MYH10: variants seen among roughly 807,000 people sequenced by gnomAD.
MYH10 encodes the protein myosin heavy chain 10, also known as myosin-10.
In MYH10, 55 loss-of-function variants were observed where a neutral mutation model predicts 257.8. The ratio of observed to expected loss-of-function variants is 0.21; its 90% confidence interval spans 0.17 to 0.27. MYH10 has a LOEUF of 0.27. MYH10 is among the 10% of genes least tolerant of loss of function. The probability of loss-of-function intolerance (pLI) is 1.00; values close to 1 mark genes in which losing one functional copy is unlikely to be tolerated. For synonymous variants in MYH10, 854 were observed against 921.7 expected, an observed-to-expected ratio of 0.93 and a Z score of 1.33; for missense variants, 1,631 against 2,500.6, an observed-to-expected ratio of 0.65 and a Z score of 7.42.
In MYH10 at chr17:8,569,048, A is replaced by T. The variant is rs537715895; in HGVS notation, c.756+672T>A. ...CAACATAGTGAGACCCTAGTCTCTA[A>T]AAAAAAAAAAGTTACTCTTTTAAAT... On this transcript the variant is annotated intron_variant, in intron 7 of 42. Transcript: ENST00000360416. The surrounding 1 kb of genome is among the most constrained non-coding windows in gnomAD (Gnocchi z 4.1). Among the ~76,000 whole-genome samples, 14 of 146,010 alleles carry T rather than the reference A, an allele frequency of 9.6e-5. No homozygotes were observed. The East Asian group carries it at 2.9e-3, about 30-fold the overall frequency.
rs759477078 is a variant in MYH10 at position 8,499,435 on chromosome 17, T to G, written c.3786A>C (p.Thr1262=). 20 of 1,614,180 alleles carry G rather than the reference T, an allele frequency of 1.2e-5. No individual in the cohort carries two copies. In the East Asian group the frequency reaches 3.8e-4, roughly 31 times the overall value. ...CCTCACACGCCAGCTCCTTGTTATC[T>G]GTCTCCAGGCCCTGCTTGTTCTTCT... ...NLEKNKQGLE[T]DNKELACEVK... is the part of the protein sequence containing the mutation. The change falls in exon 30 of 43, where the codon ACA becomes ACC. Residue 1262 remains threonine (T), a synonymous_variant. Transcript: ENST00000360416.
chr17:8,480,520 G>A lies in MYH10; in HGVS notation c.5270C>T (p.Ala1757Val), dbSNP rs111570631. The change falls in exon 39 of 43, where the codon GCG (alanine) becomes GTG (valine). Residue 1757 changes from alanine to valine, a missense_variant. Transcript: ENST00000360416. The stretch of plus-strand genomic sequence containing the variant: ...CAGACGCCGCTTCTCATCCAGCAGC[G>A]CGGACCTGGCGGGGAGAGGAGGAGG... ...EITNSASGKSALLDEKRRLEA... is the reference protein window; with the variant it reads ...EITNSASGKSVLLDEKRRLEA... 347 of 1,607,218 alleles carry A rather than the reference G, an allele frequency of 2.2e-4. No individual in the cohort carries two copies. The African/African-American group carries it at 3.4e-3, about 16-fold the overall frequency.
Position 8,476,895 on chromosome 17 carries a change from T to C in MYH10, c.5860A>G (p.Thr1954Ala). The C allele has an allele frequency of 6.2e-7, 1 of 1,610,704 alleles. No homozygotes were observed. The highest frequency in any genetic ancestry group is 8.5e-7 in the Non-Finnish European group (1 of 1,179,898). ...GCTCACCTCAGCCGGTTCTTCAGGG[T>C]GCTGACCTCGCGGCTCAGGCCCTCG... ...ANEGLSREVS[T>A]LKNRLRRGGP... is the part of the protein sequence containing the mutation. Residue 1954 changes from threonine (T) to alanine (A), a missense_variant, in exon 42 of 43, where the codon ACC (threonine) becomes GCC (alanine). Thr to Ala is a moderately conservative substitution (Grantham distance 58, BLOSUM62 0). Coordinates refer to ENST00000360416, the MANE Select transcript of MYH10 (RefSeq NM_001256012.3).
intron 21 of MYH10, among the ~76,000 whole-genome samples, chr17:8,518,403 G>A (rs572549491): frequency 6.6e-6 from 1 of 152,178 alleles, no homozygotes; most frequent in South Asian, 2.1e-4. Context: ...CAAAGTGCTG[G>A]GATTACAGGC....
At chr17:8,518,545 C>T (rs2081550178) in intron 21 of MYH10, 86 bp downstream of exon 21, 3 of 1,407,116 alleles carry the variant, frequency 2.1e-6, no homozygotes, top group South Asian at 2.7e-5. Flanking sequence ...ATGTCTCACA[C>T]ACTCTTGCAC....
At chr17:8,554,579 G>A (rs186965231) in intron 7 of MYH10, among the ~76,000 whole-genome samples, 97 of 152,294 alleles carry the variant, frequency 6.4e-4, no homozygotes, top group African/African-American at 2.2e-3. Context: ...TTTAGGGAAA[G>A]AGGAAAATCG....
intron 3 of MYH10, among the ~76,000 whole-genome samples, chr17:8,596,458 C>T (rs1481767778): frequency 6.6e-6 from 1 of 152,192 alleles, no homozygotes; most frequent in Non-Finnish European, 1.5e-5. Flanking sequence ...GGCCCATTTT[C>T]TGACTTTTTA....
intron 4 of MYH10, among the ~76,000 whole-genome samples, chr17:8,586,930 A>T (rs1567943858): frequency 6.6e-6 from 1 of 152,136 alleles, no homozygotes; most frequent in African/African-American, 2.4e-5. Flanking sequence ...CAATTGTTTC[A>T]TGCCTCACTT....
intron 7 of MYH10, among the ~76,000 whole-genome samples, chr17:8,554,980 G>T (rs893134828): frequency 6.6e-6 from 1 of 150,694 alleles, no homozygotes; most frequent in African/African-American, 2.4e-5. Context: ...AATATGGTAT[G>T]GTTATATCTT....
rs568389480 is a variant in MYH10 at position 8,571,101 on chromosome 17, G to A, written c.664-1289C>T. Among the ~76,000 whole-genome samples, 11 of 152,102 alleles carry A rather than the reference G, an allele frequency of 7.2e-5. No homozygotes were observed. In the South Asian group the frequency reaches 1.9e-3, roughly 26 times the overall value. On this transcript the variant is annotated intron_variant, in intron 6 of 42. Transcript: ENST00000360416. Reference sequence around the variant, plus strand: ...CGGTTTATTTTCTTGGCATTAGACAGTTTCCTCCCTGTACAACAAATCTTC... The same window carrying A: ...CGGTTTATTTTCTTGGCATTAGACAATTTCCTCCCTGTACAACAAATCTTC...
At chr17:8,623,853 C>T (rs1598007018) in intron 1 of MYH10, among the ~76,000 whole-genome samples, 1 of 152,270 alleles carries the variant, frequency 6.6e-6, no homozygotes, top group East Asian at 1.9e-4. Flanking sequence ...TTAATGTGAT[C>T]AACTGGGACC....
intron 3 of MYH10, among the ~76,000 whole-genome samples, chr17:8,597,308 G>A (rs2084412478): frequency 6.7e-6 from 1 of 149,610 alleles, no homozygotes; most frequent in South Asian, 2.1e-4. Flanking sequence ...AGAAAGACAA[G>A]AAAGAAAGAA....
chr17:8,628,422 G>C (rs1011086780), intron 1 of MYH10, among the ~76,000 whole-genome samples: 2 of 152,152 alleles, frequency 1.3e-5, no homozygotes, highest in East Asian at 3.8e-4. Context: ...CCTACTATGA[G>C]TGTGGACAGA....
Position 8,589,499 on chromosome 17 carries a change from C to G in MYH10, c.503-391G>C, listed in dbSNP as rs536857535. ...ACTCTGGGAGATGGGGATTAAAAAC[C>G]CTTCTTTAAATAAGCGCCCCAGGTG... is the stretch of plus-strand genomic sequence containing the variant. On this transcript the variant is annotated intron_variant, in intron 3 of 42. Transcript: ENST00000360416. Among the ~76,000 whole-genome samples, 8 of 152,228 alleles carry G rather than the reference C, an allele frequency of 5.3e-5. No individual in the cohort carries two copies. In the South Asian group the frequency reaches 1.0e-3, roughly 20 times the overall value.
In MYH10 at chr17:8,545,621, C is replaced by CCTTT. The variant is rs751457977; in HGVS notation, c.1279-25_1279-22dup. 1 of 1,602,292 alleles carries CCTTT rather than the reference C, an allele frequency of 6.2e-7. No homozygotes were observed. The highest frequency in any genetic ancestry group is 8.5e-7 in the Non-Finnish European group (1 of 1,175,602). Reference sequence around the variant, plus strand: ...TCTGCCTGTAATTAAATCACAACAACCTTTTATTCTGGAAACAATCTCAAC... The same window carrying CCTTT: ...TCTGCCTGTAATTAAATCACAACAACCTTTCTTTTATTCTGGAAACAATCTCAAC... On this transcript the variant is annotated intron_variant, in intron 12 of 42. Coordinates refer to ENST00000360416, the MANE Select transcript of MYH10 (RefSeq NM_001256012.3). The surrounding 1 kb of genome is among the most constrained non-coding windows in gnomAD (Gnocchi z 4.7).
At chr17:8,618,178 AAC>A (rs1289465748) in intron 2 of MYH10, among the ~76,000 whole-genome samples, 2 of 152,208 alleles carry the variant, frequency 1.3e-5, no homozygotes, top group African/African-American at 4.8e-5. Context: ...GGAACGGTTT[AAC>A]AGTCTTTTCA....
chr17:8,607,746 T>C (rs563933009), intron 2 of MYH10, among the ~76,000 whole-genome samples: 1 of 152,204 alleles, frequency 6.6e-6, no homozygotes, highest in Non-Finnish European at 1.5e-5. Flanking sequence ...ACTAAGCTTC[T>C]TTAAGAAACA....
intron 21 of MYH10, 79 bp downstream of exon 21, chr17:8,518,552 G>GA: frequency 6.9e-7 from 1 of 1,457,946 alleles, no homozygotes; most frequent in Non-Finnish European, 9.4e-7. Context: ...ACACACTCTT[G>GA]CACCCCAGGT....
rs765420296 is a variant in MYH10, at chr17:8,545,411, AAAG to A, written c.1431+34_1431+36del. 19 of 1,606,768 alleles carry A rather than the reference AAAG, an allele frequency of 1.2e-5. No individual in the cohort carries two copies. Among genetic ancestry groups the A allele is most frequent in the Non-Finnish European group, 1.5e-5 (18 of 1,177,050 alleles). ...TCATATTTGTTAAAAGAACAAACAA[AAAG>A]AAGGACGAGCTAGAGGAAGAGGGGG... On this transcript the variant is annotated intron_variant, in intron 13 of 42. Coordinates refer to ENST00000360416, the MANE Select transcript of MYH10 (RefSeq NM_001256012.3). This position sits in a 1 kb window ranked among gnomAD's most constrained non-coding sequence, Gnocchi z 4.7.
Sources: gnomAD v4.1 joint callset for allele counts (sites outside exome capture counted in the v4.1 genomes callset) on GRCh38, gnomAD v4.1.1 for gene constraint, Gnocchi (gnomAD v3.1) non-coding constraint, MANE v1.5 for transcripts, NCBI Gene and HGNC (gene_info 2026-07-23, HGNC 2026-07-21) for gene names.